Variants in DNAAF6 observed in about 807,000 individuals in gnomAD.
The protein encoded by DNAAF6 is dynein axonemal assembly factor 6.
Under a neutral mutation model 13.7 loss-of-function variants are expected in DNAAF6, and 3 were observed. The observed-to-expected ratio is 0.22, with a 90% confidence interval of 0.10 to 0.56. The LOEUF (loss-of-function observed/expected upper bound fraction) is 0.56. Among genes scored for constraint, DNAAF6 ranks in the 20% least tolerant of loss-of-function variants. DNAAF6 has a pLI of 0.92. For synonymous variants in DNAAF6, 54 were observed against 49.2 expected (o/e 1.10, Z -0.41); for missense variants, 130 against 151.0 (o/e 0.86, Z 0.73).
At chrX:107,216,202 G>T (rs1440873424) in intron 2 of DNAAF6, among the ~76,000 whole-genome samples, 1 of 111,857 alleles carries the variant, frequency 8.9e-6, no homozygotes, top group Non-Finnish European at 1.9e-5. Context: ...GCTTTTGAAT[G>T]ATTAATCTGA....
rs1602683810 is a variant in DNAAF6, at chrX:107,224,438, T to C, written c.429+1597T>C. ...TAAATACTTAGTGAATGTTACTACA[T>C]ACCAGGGACTGTCCTAAGTACTAGA... On this transcript the variant is annotated intron_variant, in intron 5 of 6. Transcript: ENST00000372453. Among the ~76,000 whole-genome samples the C allele has an allele frequency of 2.7e-5, 3 of 111,715 alleles. 1 individual carries two copies. The Admixed American group carries it at 2.9e-4, about 11-fold the overall frequency.
intron 6 of DNAAF6, 69 bp from the exon 7 acceptor site, chrX:107,243,100 G>A (rs1844289199): frequency 3.6e-6 from 4 of 1,103,089 alleles, no homozygotes; most frequent in Non-Finnish European, 4.9e-6. Flanking sequence ...TATGTTGTTT[G>A]CAATTGTCTT....
At chrX:107,211,623 G>A (rs762186441) in intron 1 of DNAAF6, among the ~76,000 whole-genome samples, 49 of 112,138 alleles carry the variant, frequency 4.4e-4, no homozygotes, top group Non-Finnish European at 8.5e-4. Context: ...CCCCTTCGAA[G>A]TAGTCACTTT....
Position 107,235,465 on chromosome X carries a change from C to T in DNAAF6, c.430-3457C>T, listed in dbSNP as rs763971481. Among the ~76,000 whole-genome samples the T allele has an allele frequency of 1.3e-4, 14 of 111,436 alleles. No homozygotes were observed. In the Admixed American group the frequency reaches 1.3e-3, roughly 11 times the overall value. ...CTACATTCTAAAAAAGGCATTGCTT[C>T]TGCCTTCATCTTTTGGATCCTTTAC... On this transcript the variant is annotated intron_variant, in intron 5 of 6. Transcript: ENST00000372453.
At chrX:107,239,451 A>G (rs1211843704) in intron 6 of DNAAF6, among the ~76,000 whole-genome samples, 1 of 111,945 alleles carries the variant, frequency 8.9e-6, no homozygotes, top group Non-Finnish European at 1.9e-5. Context: ...ATCAATTACT[A>G]TCTAAATACC....
At chrX:107,226,964 T>C (rs1928270463) in intron 5 of DNAAF6, among the ~76,000 whole-genome samples, 1 of 111,962 alleles carries the variant, frequency 8.9e-6, no homozygotes. Context: ...ATGTTTATCA[T>C]ACATATTTAT....
intron 5 of DNAAF6, 29 bp downstream of exon 5, chrX:107,222,870 CTATACAACCATTG>C: frequency 8.4e-7 from 1 of 1,183,572 alleles, no homozygotes. Context: ...TCTTCATTTT[CTATACAACCATTG>C]TAGCTAAATT....
intron 6 of DNAAF6, among the ~76,000 whole-genome samples, chrX:107,242,481 A>C (rs1928644743): frequency 8.9e-6 from 1 of 112,657 alleles, no homozygotes; most frequent in Non-Finnish European, 1.9e-5. Context: ...ATTTTCTTCC[A>C]AAACCAGCAT....
At chrX:107,216,127 A>G (rs930492547) in intron 2 of DNAAF6, among the ~76,000 whole-genome samples, 1 of 111,938 alleles carries the variant, frequency 8.9e-6, no homozygotes, top group Non-Finnish European at 1.9e-5. Context: ...GTTCAGTGTC[A>G]TGAGGCGGTG....
intron 1 of DNAAF6, among the ~76,000 whole-genome samples, chrX:107,208,251 C>T (rs1436698928): frequency 1.8e-5 from 2 of 109,571 alleles, no homozygotes; most frequent in Non-Finnish European, 3.8e-5. Flanking sequence ...AAAAATTAGC[C>T]GGCGAAACCC....
At chrX:107,209,050 T>C (rs1671594761) in intron 1 of DNAAF6, among the ~76,000 whole-genome samples, 1 of 111,787 alleles carries the variant, frequency 8.9e-6, no homozygotes, top group South Asian at 3.7e-4. Context: ...CTTAGTATTG[T>C]AAAGATAAAT....
chrX:107,243,893 C>A lies in DNAAF6; in HGVS notation c.*595C>A, dbSNP rs1928675871. The A allele has an allele frequency of 1.8e-5, 2 of 112,224 alleles. No homozygotes were observed. The highest frequency in any genetic ancestry group is 3.2e-5 in the African/African-American group (1 of 30,814). 9.2% of individuals were successfully genotyped at this position (112,224 alleles called of 1,213,427 possible). A position where few individuals can be genotyped will look rare whatever the true frequency, so the allele number is the denominator to read the frequency against. ...CACTGTGATACAATCAGTTGCATAG[C>A]AATTGGTCATTATTATTACCAGAGA... On this transcript the variant is annotated 3_prime_UTR_variant, in exon 7 of 7. Coordinates refer to ENST00000372453, the MANE Select transcript of DNAAF6 (RefSeq NM_173494.2).
chrX:107,230,890 A>G (rs1036517900), intron 5 of DNAAF6, among the ~76,000 whole-genome samples: 1 of 111,598 alleles, frequency 9.0e-6, no homozygotes, highest in Admixed American at 9.6e-5. Context: ...TGATCCTTCA[A>G]TATGCCAAGT....
intron 1 of DNAAF6, among the ~76,000 whole-genome samples, chrX:107,208,963 T>G (rs1328546073): frequency 1.8e-5 from 2 of 112,309 alleles, no homozygotes. Flanking sequence ...AAACGAAAAC[T>G]GTTAAGTTCC....
chrX:107,218,716 A>G (rs1463540327), intron 3 of DNAAF6, 148 bp from the exon 4 acceptor site: 1 of 479,360 alleles, frequency 2.1e-6, no homozygotes, highest in African/African-American at 2.6e-5. Context: ...GTAGTTACTA[A>G]TTTAGTTTGT....
chrX:107,243,091 A>G, intron 6 of DNAAF6, 78 bp from the exon 7 acceptor site: 2 of 1,072,710 alleles, frequency 1.9e-6, no homozygotes, highest in Non-Finnish European at 2.5e-6. Flanking sequence ...CTAGTGGCAT[A>G]TGTTGTTTGC....
intron 6 of DNAAF6, among the ~76,000 whole-genome samples, chrX:107,242,378 A>G (rs1928641371): frequency 1.8e-5 from 2 of 112,319 alleles, no homozygotes; most frequent in South Asian, 7.3e-4. Flanking sequence ...TTTGGATATT[A>G]TACCTTCTAA....
chrX:107,221,902 G>C (rs1412351956), intron 4 of DNAAF6, among the ~76,000 whole-genome samples: 1 of 84,985 alleles, frequency 1.2e-5, no homozygotes, highest in Non-Finnish European at 2.2e-5. Context: ...CATTAAGGTA[G>C]CATTAAGCAT....
At chrX:107,228,903 G>T (rs1197899167) in intron 5 of DNAAF6, among the ~76,000 whole-genome samples, 1 of 110,555 alleles carries the variant, frequency 9.0e-6, no homozygotes, top group Admixed American at 9.7e-5. Flanking sequence ...TTACAGGCAT[G>T]GGCCCCCATG....
Sources: allele counts gnomAD v4.1 joint callset (sites outside exome capture counted in the v4.1 genomes callset), GRCh38; gene constraint gnomAD v4.1.1; transcripts MANE v1.5; gene names NCBI Gene and HGNC (gene_info 2026-07-23, HGNC 2026-07-21).